Variants in INO80 observed in about 807,000 individuals in gnomAD.
INO80 encodes chromatin-remodeling ATPase INO80.
Under a neutral mutation model 203.4 loss-of-function variants are expected in INO80, and 20 were observed. The ratio of observed to expected loss-of-function variants is 0.10; its 90% confidence interval spans 0.07 to 0.14. The LOEUF (loss-of-function observed/expected upper bound fraction) is 0.14, where lower values mean the gene tolerates loss of function less well. Among genes scored for constraint, INO80 ranks in the 10% least tolerant of loss-of-function variants. The probability of loss-of-function intolerance (pLI) is 1.00; values close to 1 mark genes in which losing one functional copy is unlikely to be tolerated. For synonymous variants in INO80, 726 were observed against 685.2 expected (o/e 1.06, Z -0.93); for missense variants, 1,419 against 1,914.4 (o/e 0.74, Z 4.83).
In INO80 at chr15:41,074,784, G is replaced by A. The variant is rs542448344; in HGVS notation, c.1132-219C>T. 4.6e-5 allele frequency among the ~76,000 whole-genome samples: 7 copies of A among 152,226 alleles called. No individual in the cohort carries two copies. In the South Asian group the frequency reaches 1.2e-3, roughly 27 times the overall value. ...TTTTCAGACAGAGTCTCAGCTGGTC[G>A]CATGGGCTGGAGTATAGTGGCACGA... On this transcript the variant is annotated intron_variant, in intron 9 of 35. Transcript: ENST00000648947.
At chr15:41,087,774 A>G in intron 5 of INO80, 92 bp from the exon 6 acceptor site, 1 of 1,296,438 alleles carries the variant, frequency 7.7e-7, no homozygotes, top group South Asian at 1.5e-5. Flanking sequence ...AGGAAATCAT[A>G]GCTCCTAAAT....
chr15:41,075,896 C>G (rs1222761110), intron 9 of INO80, among the ~76,000 whole-genome samples: 5 of 152,110 alleles, frequency 3.3e-5, no homozygotes, highest in Non-Finnish European at 7.4e-5. Flanking sequence ...CCTGGCCAGC[C>G]ACCACACCGG....
intron 7 of INO80, 77 bp downstream of exon 7, chr15:41,085,292 G>T: frequency 8.2e-7 from 1 of 1,224,892 alleles, no homozygotes; most frequent in Non-Finnish European, 1.2e-6. Flanking sequence ...AAAGTATCTA[G>T]CTCTCAGAGT....
At chr15:41,085,883 G>A (rs965018753) in intron 6 of INO80, among the ~76,000 whole-genome samples, 6 of 151,934 alleles carry the variant, frequency 3.9e-5, no homozygotes, top group South Asian at 2.1e-4. Flanking sequence ...TTTCCGAGAC[G>A]GAGCCTCGCC....
At chr15:41,035,543 C>T (rs1022380663) in intron 24 of INO80, among the ~76,000 whole-genome samples, 4 of 151,330 alleles carry the variant, frequency 2.6e-5, no homozygotes, top group African/African-American at 7.3e-5. Context: ...AAAAAAAGAC[C>T]GGGCGCGGTG....
chr15:41,095,806 C>A lies in INO80; in HGVS notation c.266G>T (p.Ser89Ile). Residue 89 changes from serine (S) to isoleucine (I), a missense_variant, in exon 3 of 36, where the codon AGT (serine) becomes ATT (isoleucine). Physicochemically the swap from Ser to Ile is moderately radical, Grantham distance 142. This residue lies in a region of INO80 where 323 missense variants were observed against 325.4 expected (regional missense o/e 0.99). Transcript: ENST00000648947. ...SLLGETSGAGSSGMLNTYSLN... is the reference protein window; with the variant it reads ...SLLGETSGAGISGMLNTYSLN... ...AGAATATGTGTTTAACATTCCAGAA[C>A]TGCCTGCTCCAGAAGTTTCACCAAG... The A allele has an allele frequency of 1.2e-6, 2 of 1,614,200 alleles. No individual in the cohort carries two copies. Among genetic ancestry groups the A allele is most frequent in the Non-Finnish European group, 1.7e-6 (2 of 1,180,034 alleles).
chr15:41,080,891 A>C (rs904121926), intron 8 of INO80, 129 bp downstream of exon 8: 41 of 682,004 alleles, frequency 6.0e-5, no homozygotes, highest in Non-Finnish European at 1.0e-4. Flanking sequence ...AACATTCAGA[A>C]ACTCTCTTAC....
At chr15:40,988,048 GTC>G in intron 29 of INO80, 74 bp from the exon 30 acceptor site, 1 of 1,335,650 alleles carries the variant, frequency 7.5e-7, no homozygotes, top group Non-Finnish European at 1.0e-6. Context: ...CCAGCCAATT[GTC>G]TGTTTGCGAG....
intron 7 of INO80, among the ~76,000 whole-genome samples, chr15:41,084,088 G>A (rs2045524380): frequency 6.6e-6 from 1 of 151,176 alleles, no homozygotes; most frequent in Non-Finnish European, 1.5e-5. Flanking sequence ...GAAATATCCT[G>A]TTCCTATCAG....
chr15:41,076,462 CTTTCTT>C (rs1031369225), intron 9 of INO80, among the ~76,000 whole-genome samples: 4 of 144,630 alleles, frequency 2.8e-5, no homozygotes, highest in Admixed American at 2.0e-4. Flanking sequence ...CATGTGCAAA[CTTTCTT>C]TTTTTTTTTT....
chr15:41,034,083 A>T lies in INO80; in HGVS notation c.2908-6347T>A, dbSNP rs761199258. 1.7e-4 allele frequency among the ~76,000 whole-genome samples: 26 copies of T among 152,072 alleles called. 1 individual carries two copies. Among genetic ancestry groups the T allele is most frequent in the South Asian group, 1.0e-3 (5 of 4,820 alleles). On this transcript the variant is annotated intron_variant, in intron 24 of 35. Transcript: ENST00000648947. The stretch of plus-strand genomic sequence containing the variant: ...TCTCAAAAAACAAACAAAAAAACCC[A>T]AAACTTTATCCAAAACACCTCTAAG...
intron 21 of INO80, among the ~76,000 whole-genome samples, chr15:41,048,645 A>C (rs912774656): frequency 4.6e-5 from 7 of 152,184 alleles, no homozygotes; most frequent in African/African-American, 1.4e-4. Context: ...AAAATCCAAG[A>C]AATGTGTTTC....
Position 41,005,668 on chromosome 15 carries a change from T to G in INO80, c.3422A>C (p.Lys1141Thr), listed in dbSNP as rs1596251703. The G allele has an allele frequency of 6.2e-7, 1 of 1,601,634 alleles. No homozygotes were observed. Among genetic ancestry groups the G allele is most frequent in the Non-Finnish European group, 8.6e-7 (1 of 1,169,010 alleles). Residue 1141 changes from lysine (K) to threonine (T), a missense_variant, in exon 28 of 36, where the codon AAG (lysine) becomes ACG (threonine). By Grantham distance (78) the Lys-to-Thr change is moderately conservative. Coordinates refer to ENST00000648947, the MANE Select transcript of INO80 (RefSeq NM_017553.3). ...GCCATCAAGCCTCATGTAGGTATGCTTCCTGTAAACCATGTATTCCTGCCA... is the reference window on the plus strand; with the variant it reads ...GCCATCAAGCCTCATGTAGGTATGCGTCCTGTAAACCATGTATTCCTGCCA... ...DLLEEYMVYR[K>T]HTYMRLDGSS...
At chr15:40,980,619 C>G (rs1163491815) in intron 35 of INO80, among the ~76,000 whole-genome samples, 179 bp from the exon 36 acceptor site, 1 of 152,160 alleles carries the variant, frequency 6.6e-6, no homozygotes, top group Non-Finnish European at 1.5e-5. Context: ...ACTGTCTTTT[C>G]AGTAAGAGGA....
intron 24 of INO80, among the ~76,000 whole-genome samples, chr15:41,043,875 T>C (rs920292767): frequency 1.3e-5 from 2 of 152,210 alleles, no homozygotes; most frequent in Non-Finnish European, 2.9e-5. Context: ...TCACCTACTA[T>C]TCTGTAAGGG....
At chr15:40,983,708 A>C in intron 34 of INO80, 54 bp downstream of exon 34, 1 of 1,541,882 alleles carries the variant, frequency 6.5e-7, no homozygotes, top group Non-Finnish European at 8.9e-7. Flanking sequence ...CCCACAACCA[A>C]ACCAGTGCTG....
In INO80 at chr15:41,056,713, G is replaced by C; in HGVS notation, c.1986-7C>G. The C allele has an allele frequency of 1.2e-6, 2 of 1,610,356 alleles. No homozygotes were observed. The highest frequency in any genetic ancestry group is 1.7e-6 in the Non-Finnish European group (2 of 1,176,740). On this transcript the variant is annotated splice_region_variant and splice_polypyrimidine_tract_variant and intron_variant, in intron 16 of 35. Transcript: ENST00000648947. ...GAGGATCTTCCAACGAACACTGTTT[G>C]ATAAAATAAGTTACAAATTCATGTT... is the stretch of plus-strand genomic sequence containing the variant.
intron 24 of INO80, among the ~76,000 whole-genome samples, chr15:41,044,362 T>C (rs1379451827): frequency 2.6e-5 from 4 of 152,214 alleles, no homozygotes; most frequent in African/African-American, 7.2e-5. Context: ...TAATACTTCA[T>C]AGCCATAAAA....
At chr15:41,030,594 A>G (rs2044444146) in intron 24 of INO80, among the ~76,000 whole-genome samples, 1 of 150,970 alleles carries the variant, frequency 6.6e-6, no homozygotes. Context: ...ACTCCTGGCC[A>G]CAAGTGATCC....
Sources: allele counts gnomAD v4.1 joint callset (sites outside exome capture counted in the v4.1 genomes callset), GRCh38; gene constraint gnomAD v4.1.1; regional missense constraint gnomAD v4.1.1; transcripts MANE v1.5; gene names NCBI Gene and HGNC (gene_info 2026-07-23, HGNC 2026-07-21).